Variants in SOX5 observed in about 807,000 individuals in gnomAD.
The protein encoded by SOX5 is transcription factor SOX-5.
In SOX5, 9 loss-of-function variants were observed where a neutral mutation model predicts 92.0. The observed-to-expected ratio is 0.10, with a 90% CI of 0.06 to 0.17. The LOEUF is 0.17. SOX5 is among the 10% of genes least tolerant of loss of function. The pLI, the probability that SOX5 is intolerant of heterozygous loss-of-function variation, is 1.00. For synonymous variants in SOX5, 344 were observed against 336.3 expected, an observed-to-expected ratio of 1.02 and a Z score of -0.25; for missense variants, 642 against 944.5, an observed-to-expected ratio of 0.68 and a Z score of 4.20.
At chr12:24,171,580 A>G (rs777071685) in intron 4 of SOX5, among the ~76,000 whole-genome samples, 2 of 152,170 alleles carry the variant, frequency 1.3e-5, no homozygotes, top group Non-Finnish European at 2.9e-5. Context: ...TTATGAGGCA[A>G]TGGAGAAAAA....
chr12:23,901,170 G>A (rs561974918), intron 1 of SOX5, among the ~76,000 whole-genome samples: 37 of 152,288 alleles, frequency 2.4e-4, no homozygotes, highest in African/African-American at 8.9e-4. Flanking sequence ...AGAAAAGTCA[G>A]AGTCAGAGGA....
chr12:24,105,268 C>T (rs1946543309), intron 4 of SOX5, among the ~76,000 whole-genome samples: 1 of 152,062 alleles, frequency 6.6e-6, no homozygotes, highest in Non-Finnish European at 1.5e-5. Context: ...TGGCCAGGCA[C>T]GGTGGCTCAC....
Position 24,101,136 on chromosome 12 carries a change from T to G in SOX5, c.-2+112207A>C, listed in dbSNP as rs570529010. 3.3e-5 allele frequency among the ~76,000 whole-genome samples: 5 copies of G among 152,276 alleles called. No individual in the cohort carries two copies. The East Asian group carries it at 9.7e-4, about 29-fold the overall frequency. On this transcript the variant is annotated intron_variant, in intron 4 of 4. Transcript: ENST00000446891. ...CTTAAAATCCTTCAATAATGTCTAC[T>G]GCTCTCAGAAGGAAAACTAAACTTC...
At chr12:23,591,766 A>G (rs1433785111) in intron 9 of SOX5, among the ~76,000 whole-genome samples, 1 of 152,152 alleles carries the variant, frequency 6.6e-6, no homozygotes, top group Non-Finnish European at 1.5e-5. Context: ...GAAGTATAGA[A>G]AACACAAATC....
At chr12:24,314,685 C>T (rs1949539504) in intron 2 of SOX5, among the ~76,000 whole-genome samples, 1 of 152,144 alleles carries the variant, frequency 6.6e-6, no homozygotes, top group Admixed American at 6.5e-5. Context: ...CTCCAATTAC[C>T]TTCTGACCAT....
chr12:24,011,264 C>A (rs539027200), intron 4 of SOX5, among the ~76,000 whole-genome samples: 6 of 152,078 alleles, frequency 3.9e-5, no homozygotes, highest in African/African-American at 9.7e-5. Flanking sequence ...AATTCACATG[C>A]GCACATGCAT....
At chr12:23,809,709 A>T (rs1479568712) in intron 3 of SOX5, among the ~76,000 whole-genome samples, 1 of 151,030 alleles carries the variant, frequency 6.6e-6, no homozygotes, top group African/African-American at 2.4e-5. Flanking sequence ...AGGTTAAACC[A>T]GGAGGAAAAC....
intron 4 of SOX5, among the ~76,000 whole-genome samples, chr12:23,749,424 A>G (rs1344450275): frequency 1.3e-5 from 2 of 151,860 alleles, no homozygotes; most frequent in Non-Finnish European, 2.9e-5. Flanking sequence ...TTTTTGCTTC[A>G]GTATCTTAAA....
intron 6 of SOX5, among the ~76,000 whole-genome samples, chr12:23,675,691 A>C (rs1023515070): frequency 6.6e-6 from 1 of 152,222 alleles, no homozygotes; most frequent in African/African-American, 2.4e-5. Context: ...AAAATAAACA[A>C]GTGGACTACT....
At position 24,322,960 on chromosome 12, in the gene SOX5, T is replaced by C. The variant is rs183275040; in HGVS notation, c.-174+45603A>G. On this transcript the variant is annotated intron_variant, in intron 2 of 4. Coordinates refer to the SOX5 transcript ENST00000446891. ...AATTCAAACACAAACTATGTGTTACTACTATTTTATTAAGGTTTTTTGTTT... is the reference window on the plus strand; with the variant it reads ...AATTCAAACACAAACTATGTGTTACCACTATTTTATTAAGGTTTTTTGTTT... Among the ~76,000 whole-genome samples, 257 of 152,268 alleles carry C rather than the reference T, an allele frequency of 1.7e-3. 4 individuals are homozygous for C. The highest frequency in any genetic ancestry group is 5.8e-3 in the African/African-American group (240 of 41,572).
intron 2 of SOX5, among the ~76,000 whole-genome samples, chr12:24,282,132 C>T (rs1945282663): frequency 6.6e-6 from 1 of 152,058 alleles, no homozygotes; most frequent in African/African-American, 2.4e-5. Context: ...ATGTCACCTC[C>T]CTCAGTAAAA....
At chr12:23,930,449 A>G (rs1941146103) in intron 1 of SOX5, among the ~76,000 whole-genome samples, 1 of 151,792 alleles carries the variant, frequency 6.6e-6, no homozygotes, top group Non-Finnish European at 1.5e-5. Context: ...GAGGAGGATG[A>G]AAGCTGAAGG....
chr12:24,199,466 A>G (rs146822057), intron 4 of SOX5, among the ~76,000 whole-genome samples: 35 of 152,338 alleles, frequency 2.3e-4, no homozygotes, highest in African/African-American at 8.4e-4. Flanking sequence ...TGAACGGATG[A>G]CTTCTAATGA....
rs138739701 is a variant in SOX5, at chr12:24,083,299, G to A, written c.-2+130044C>T. 2.0e-3 allele frequency among the ~76,000 whole-genome samples: 297 copies of A among 152,036 alleles called. 1 individual carries two copies. Among genetic ancestry groups the A allele is most frequent in the African/African-American group, 6.6e-3 (275 of 41,508 alleles). The stretch of plus-strand genomic sequence containing the variant: ...TGACTATTTCATCAGTTATTATGCC[G>A]TGAATTACAAAGACCAAATATATAT... On this transcript the variant is annotated intron_variant, in intron 4 of 4. Transcript: ENST00000446891.
intron 2 of SOX5, among the ~76,000 whole-genome samples, chr12:24,350,352 T>C (rs938933433): frequency 3.3e-5 from 5 of 152,180 alleles, no homozygotes; most frequent in African/African-American, 1.2e-4. Context: ...GACAGGGTAT[T>C]ACTCTGTGGG....
intron 1 of SOX5, among the ~76,000 whole-genome samples, chr12:24,431,852 TTGA>T (rs1445833606): frequency 6.6e-6 from 1 of 152,218 alleles, no homozygotes; most frequent in African/African-American, 2.4e-5. Flanking sequence ...GATGCATTTC[TTGA>T]TGATAATGGC....
intron 3 of SOX5, among the ~76,000 whole-genome samples, chr12:24,246,863 A>C (rs1178220251): frequency 6.6e-6 from 1 of 152,212 alleles, no homozygotes; most frequent in Non-Finnish European, 1.5e-5. Flanking sequence ...ATACAAAATA[A>C]AAAGACAAGA....
intron 1 of SOX5, among the ~76,000 whole-genome samples, chr12:24,394,403 A>C (rs1959317668): frequency 6.6e-6 from 1 of 152,190 alleles, no homozygotes; most frequent in South Asian, 2.1e-4. Flanking sequence ...ACTGATCTGC[A>C]GGAGCCCGGC....
Position 23,529,889 on chromosome 12 carries a change from G to A in SOX5, c.*4330C>T, listed in dbSNP as rs1431957264. The A allele has an allele frequency of 5.3e-5, 8 of 151,822 alleles. No homozygotes were observed. The highest frequency in any genetic ancestry group is 1.2e-4 in the Non-Finnish European group (8 of 67,976). The allele number at this position is 151,822 out of a possible 1,614,324, so 9.4% of individuals were successfully genotyped here. On this transcript the variant is annotated 3_prime_UTR_variant, in exon 15 of 15. Coordinates refer to ENST00000451604, the MANE Select transcript of SOX5 (RefSeq NM_006940.6). ...TTCTATTTTTTTTCCATTTTTACTTGTAAAATCCAAAATATTAGAAGGACT... is the reference window on the plus strand; with the variant it reads ...TTCTATTTTTTTTCCATTTTTACTTATAAAATCCAAAATATTAGAAGGACT...
Sources: allele counts gnomAD v4.1 joint callset (sites outside exome capture counted in the v4.1 genomes callset), GRCh38; gene constraint gnomAD v4.1.1; transcripts MANE v1.5; gene names NCBI Gene and HGNC (gene_info 2026-07-23, HGNC 2026-07-21).